The following PVT1 variants were observed in gnomAD, a reference collection of about 807,000 sequenced individuals.
PVT1 encodes the protein Pvt1 oncogene.
At chr8:128,080,656 G>T (rs1377147369) in intron 5 of PVT1, among the ~76,000 whole-genome samples, 8 of 152,138 alleles carry the variant, frequency 5.3e-5, no homozygotes, top group Non-Finnish European at 1.2e-4. Context: ...CCCAGTCAAT[G>T]CCTTGTCTTT....
At chr8:128,057,204 A>AAAATTAC (rs1586501228) in intron 4 of PVT1, among the ~76,000 whole-genome samples, 1 of 152,164 alleles carries the variant, frequency 6.6e-6, no homozygotes, top group Non-Finnish European at 1.5e-5. Context: ...TCCCACTAAG[A>AAAATTAC]AAATTACAAC....
intron 3 of PVT1, among the ~76,000 whole-genome samples, chr8:127,971,963 G>T (rs2129964874): frequency 6.6e-6 from 1 of 152,340 alleles, no homozygotes; most frequent in Non-Finnish European, 1.5e-5. Flanking sequence ...GGCCCAGCAA[G>T]CCCCTCCTCT....
chr8:127,860,841 G>T (rs1175310030), intron 2 of PVT1, among the ~76,000 whole-genome samples: 1 of 151,530 alleles, frequency 6.6e-6, no homozygotes, highest in East Asian at 1.9e-4. Flanking sequence ...TTAGCACTTG[G>T]TCAGGTGGCC....
At chr8:128,090,433 GGAAGA>G (rs1814336147) in intron 5 of PVT1, among the ~76,000 whole-genome samples, 1 of 152,174 alleles carries the variant, frequency 6.6e-6, no homozygotes, top group Non-Finnish European at 1.5e-5. Flanking sequence ...GGCAATGGAG[GGAAGA>G]GAAAAGTTAA....
chr8:128,086,872 A>G (rs1416109420), intron 5 of PVT1, among the ~76,000 whole-genome samples: 1 of 152,140 alleles, frequency 6.6e-6, no homozygotes, highest in East Asian at 1.9e-4. Context: ...GTTTCTGTTG[A>G]TTACTCCTAT....
intron 4 of PVT1, among the ~76,000 whole-genome samples, chr8:128,035,197 G>T (rs1813447034): frequency 6.6e-6 from 1 of 152,156 alleles, no homozygotes; most frequent in Non-Finnish European, 1.5e-5. Context: ...GTCCTGCCTG[G>T]GTTCCCAGGA....
At chr8:127,914,338 A>ATTGGAACCC (rs1815953524) in intron 3 of PVT1, among the ~76,000 whole-genome samples, 1 of 148,962 alleles carries the variant, frequency 6.7e-6, no homozygotes, top group Non-Finnish European at 1.5e-5. Context: ...ATGTAGAGAA[A>ATTGGAACCC]TTGGAACCCT....
In PVT1 at chr8:127,959,358, G is replaced by A. The variant is rs562328142; in HGVS notation, n.783-29804G>A. On this transcript the variant is annotated intron_variant and non_coding_transcript_variant, in intron 3 of 10. Transcript: ENST00000651587. ...TCCCAACACTTTGGGAGGCCAAGGC[G>A]GGCGGATTACGAGGTCAAGAGATCG... Among the ~76,000 whole-genome samples, 9 of 152,240 alleles carry A rather than the reference G, an allele frequency of 5.9e-5. No homozygotes were observed. The South Asian group carries it at 1.7e-3, about 28-fold the overall frequency.
chr8:127,795,866 T>A (rs1241579167), intron 1 of PVT1: 1 of 170,010 alleles, frequency 5.9e-6, no homozygotes, highest in Non-Finnish European at 1.5e-5. Context: ...GTATCAATCC[T>A]CAGAACCCTG....
rs1393143904 is a variant in PVT1 at position 127,845,989 on chromosome 8, G to T, written n.373-44600G>T. On this transcript the variant is annotated intron_variant and non_coding_transcript_variant, in intron 2 of 10. Transcript: ENST00000651587. ...CTGTTCTTAGCGGGGTCCCAGGAAG[G>T]CTGTGCTGGCCCTGTCAGCCCTGAG... Among the ~76,000 whole-genome samples, 4 of 152,190 alleles carry T rather than the reference G, an allele frequency of 2.6e-5. No individual in the cohort carries two copies. In the East Asian group the frequency reaches 5.8e-4, roughly 22 times the overall value.
chr8:127,798,514 C>G (rs1439784219), intron 2 of PVT1, among the ~76,000 whole-genome samples: 1 of 151,826 alleles, frequency 6.6e-6, no homozygotes, highest in Non-Finnish European at 1.5e-5. Context: ...GGCTGCCATG[C>G]TGGAAAGTTT....
chr8:128,098,123 C>A (rs915354877), intron 6 of PVT1, among the ~76,000 whole-genome samples: 1 of 152,124 alleles, frequency 6.6e-6, no homozygotes, highest in East Asian at 1.9e-4. Flanking sequence ...TCTCTGCCTT[C>A]CCCCCGCCCC....
At chr8:128,049,679 A>G (rs1233689052) in intron 4 of PVT1, among the ~76,000 whole-genome samples, 2 of 152,308 alleles carry the variant, frequency 1.3e-5, no homozygotes, top group African/African-American at 2.4e-5. Context: ...CAGGATGGGA[A>G]GGCAGGCGGG....
chr8:128,017,483 C>T (rs2130047341), intron 4 of PVT1, among the ~76,000 whole-genome samples: 2 of 152,166 alleles, frequency 1.3e-5, no homozygotes, highest in South Asian at 4.2e-4. Flanking sequence ...GCTCTGTAGC[C>T]CAGGCTGGAG....
chr8:127,907,865 G>A (rs1815841821), intron 3 of PVT1, among the ~76,000 whole-genome samples: 1 of 152,038 alleles, frequency 6.6e-6, no homozygotes, highest in South Asian at 2.1e-4. Flanking sequence ...GATGGGAGGG[G>A]GGTAGCTGAA....
At chr8:127,857,199 C>G (rs1815171484) in intron 2 of PVT1, among the ~76,000 whole-genome samples, 1 of 152,056 alleles carries the variant, frequency 6.6e-6, no homozygotes, top group African/African-American at 2.4e-5. Context: ...GTACTCCACC[C>G]TGGGATACGG....
chr8:128,004,016 G>A (rs4733824), intron 4 of PVT1, among the ~76,000 whole-genome samples: 17,646 of 152,126 alleles, frequency 0.12, 1,384 homozygotes, highest in Non-Finnish European at 0.17. Flanking sequence ...TGTAGGAGCA[G>A]AGAGGGTTCT....
intron 2 of PVT1, among the ~76,000 whole-genome samples, chr8:127,810,474 C>T (rs1430407115): frequency 6.6e-6 from 1 of 152,202 alleles, no homozygotes; most frequent in Admixed American, 6.5e-5. Context: ...TTGCTGAATG[C>T]ATGGTGGCCC....
In PVT1 at chr8:128,092,766, C is replaced by T. The variant is rs140448591; in HGVS notation, n.1115-3752C>T. On this transcript the variant is annotated intron_variant and non_coding_transcript_variant, in intron 5 of 10. Coordinates refer to ENST00000651587, the Ensembl canonical transcript of PVT1. ...CACCCTGCATTCCCAATCCCCTCCTCTTTGTCAAAATCTTACTCTCAGCAT... is the reference window on the plus strand; with the variant it reads ...CACCCTGCATTCCCAATCCCCTCCTTTTTGTCAAAATCTTACTCTCAGCAT... Among the ~76,000 whole-genome samples the T allele has an allele frequency of 5.5e-4, 84 of 152,300 alleles. No homozygotes were observed. In the East Asian group the frequency reaches 0.015, roughly 27 times the overall value.
Sources: gnomAD v4.1 joint callset for allele counts (sites outside exome capture counted in the v4.1 genomes callset) on GRCh38, gnomAD v4.1.1 for gene constraint, MANE v1.5 for transcripts, NCBI Gene and HGNC (gene_info 2026-07-23, HGNC 2026-07-21) for gene names.